DDR2: variants seen among roughly 807,000 people sequenced by gnomAD.
DDR2 encodes discoidin domain-containing receptor 2.
In DDR2, 27 loss-of-function variants were observed where a neutral mutation model predicts 94.9. That is an observed-to-expected ratio of 0.28 (90% CI 0.21 to 0.39). The LOEUF (loss-of-function observed/expected upper bound fraction) is 0.39. Among genes scored for constraint, DDR2 ranks in the 10% least tolerant of loss-of-function variants. DDR2 has a pLI of 1.00. For missense variants in DDR2, 783 were observed against 1,076.0 expected (o/e 0.73, Z 3.81); for synonymous variants, 382 against 377.2 (o/e 1.01, Z -0.15).
intron 2 of DDR2, among the ~76,000 whole-genome samples, chr1:162,710,388 C>T (rs962264742): frequency 2.6e-5 from 4 of 152,100 alleles, no homozygotes; most frequent in Admixed American, 6.5e-5. Flanking sequence ...TTGAGAATCA[C>T]GAGGTTGGGA....
At chr1:162,631,924 G>C (rs566810952), upstream of DDR2, 1 of 151,988 alleles carries the variant, frequency 6.6e-6, no homozygotes, top group African/African-American at 2.4e-5. Context: ...TTTCTTGGTG[G>C]GGGGAGCCGT....
intron 3 of DDR2, among the ~76,000 whole-genome samples, chr1:162,745,247 A>G (rs1571278358): frequency 6.6e-6 from 1 of 152,236 alleles, no homozygotes; most frequent in South Asian, 2.1e-4. Context: ...CTTCAAATAT[A>G]TAATTTGCAA....
chr1:162,638,014 T>G (rs907861624), intron 1 of DDR2, among the ~76,000 whole-genome samples: 2 of 152,096 alleles, frequency 1.3e-5, no homozygotes, highest in Non-Finnish European at 2.9e-5. Context: ...GGACTGTACT[T>G]TTTTTTAATT....
Position 162,780,226 on chromosome 1 carries a change from C to T in DDR2, c.2548C>T (p.Leu850Phe), listed in dbSNP as rs1357761882. ...ATTCCAAGAAATCCACCTTCTGCTC[C>T]TTCAACAAGGCGACGAGTGATGCTG... ...PSFQEIHLLL[L>F]QQGDE The change falls in exon 18 of 18, where the codon CTT becomes TTT. Residue 850 changes from leucine (L) to phenylalanine (F), a missense_variant. Leu to Phe is a conservative substitution (Grantham distance 22, BLOSUM62 0). Coordinates refer to ENST00000367921, the MANE Select transcript of DDR2 (RefSeq NM_006182.4). The T allele has an allele frequency of 6.2e-7, 1 of 1,613,912 alleles. No homozygotes were observed. Among genetic ancestry groups the T allele is most frequent in the Admixed American group, 1.7e-5 (1 of 59,972 alleles).
intron 3 of DDR2, among the ~76,000 whole-genome samples, chr1:162,721,692 G>A (rs1661430216): frequency 6.6e-6 from 1 of 152,184 alleles, no homozygotes; most frequent in African/African-American, 2.4e-5. Flanking sequence ...GGTAACTGAA[G>A]GCACTGAAAG....
rs935336103 is a variant in DDR2 at position 162,717,227 on chromosome 1, G to A, written c.-27-1810G>A. Among the ~76,000 whole-genome samples the A allele has an allele frequency of 4.6e-5, 7 of 152,098 alleles. No individual in the cohort carries two copies. In the South Asian group the frequency reaches 1.2e-3, roughly 27 times the overall value. ...ATTTTTGTATTTCTAACAGAGACGG[G>A]GTTTCACCATGATGGCCAGGCTGGT... On this transcript the variant is annotated intron_variant, in intron 2 of 17. Transcript: ENST00000367921.
At chr1:162,678,754 A>C (rs1659254881) in intron 2 of DDR2, among the ~76,000 whole-genome samples, 2 of 152,186 alleles carry the variant, frequency 1.3e-5, no homozygotes, top group Non-Finnish European at 2.9e-5. Flanking sequence ...TCCCTCGGGC[A>C]ACAAAGTAGG....
chr1:162,746,307 C>T (rs1227226814), intron 3 of DDR2, among the ~76,000 whole-genome samples: 1 of 152,222 alleles, frequency 6.6e-6, no homozygotes, highest in Non-Finnish European at 1.5e-5. Context: ...GCAAACGGCA[C>T]ACCAGGAGAT....
intron 2 of DDR2, among the ~76,000 whole-genome samples, chr1:162,716,142 T>C (rs1355751240): frequency 2.0e-5 from 3 of 152,214 alleles, no homozygotes; most frequent in African/African-American, 7.2e-5. Flanking sequence ...GCATGTGTTT[T>C]GGTGAAGGAA....
At chr1:162,652,157 T>G (rs1268688388) in intron 1 of DDR2, among the ~76,000 whole-genome samples, 3 of 152,250 alleles carry the variant, frequency 2.0e-5, no homozygotes, top group Admixed American at 2.0e-4. Context: ...TTTGCTCATT[T>G]GTAAATGGAG....
chr1:162,773,197 T>C (rs1366930588), intron 13 of DDR2, among the ~76,000 whole-genome samples: 1 of 152,254 alleles, frequency 6.6e-6, no homozygotes, highest in African/African-American at 2.4e-5. Flanking sequence ...TGCTGTAATA[T>C]AATATTGTTA....
At chr1:162,679,797 G>A (rs1177895903) in intron 2 of DDR2, among the ~76,000 whole-genome samples, 5 of 151,818 alleles carry the variant, frequency 3.3e-5, no homozygotes, top group Non-Finnish European at 7.4e-5. Flanking sequence ...GCCAACATCT[G>A]TTTTGTTTTG....
At chr1:162,671,915 T>C (rs1038991495) in intron 2 of DDR2, among the ~76,000 whole-genome samples, 4 of 152,220 alleles carry the variant, frequency 2.6e-5, no homozygotes, top group African/African-American at 9.6e-5. Context: ...ACCCTGTCTA[T>C]TCCCATGATG....
chr1:162,769,164 A>T (rs572564839), intron 11 of DDR2, among the ~76,000 whole-genome samples: 1 of 152,266 alleles, frequency 6.6e-6, no homozygotes, highest in South Asian at 2.1e-4. Flanking sequence ...GCTAAGAGAG[A>T]AATGTTGGAA....
At chr1:162,679,770 G>GT (rs57572255) in intron 2 of DDR2, among the ~76,000 whole-genome samples, 1 of 151,284 alleles carries the variant, frequency 6.6e-6, no homozygotes, top group Admixed American at 6.6e-5. Context: ...CAGATTATGT[G>GT]TTTTTTTTTC....
intron 2 of DDR2, among the ~76,000 whole-genome samples, chr1:162,675,417 G>A (rs1659080414): frequency 6.6e-6 from 1 of 152,150 alleles, no homozygotes; most frequent in Non-Finnish European, 1.5e-5. Flanking sequence ...GACATGGAAG[G>A]GTCCTGATCA....
chr1:162,690,850 G>A (rs1365962013), intron 2 of DDR2, among the ~76,000 whole-genome samples: 1 of 152,166 alleles, frequency 6.6e-6, no homozygotes, highest in Non-Finnish European at 1.5e-5. Flanking sequence ...AAGAATCATG[G>A]GAATAGTATT....
At chr1:162,636,479 T>A (rs576700522) in intron 1 of DDR2, among the ~76,000 whole-genome samples, 2 of 152,316 alleles carry the variant, frequency 1.3e-5, no homozygotes, top group African/African-American at 4.8e-5. Context: ...TGAGGGGCCC[T>A]TTGGATCTAT....
intron 9 of DDR2, among the ~76,000 whole-genome samples, chr1:162,763,336 C>CTTTTTTT (rs56323242): frequency 7.1e-5 from 4 of 56,542 alleles, no homozygotes; most frequent in African/African-American, 3.0e-4. Context: ...CCACGCCCGG[C>CTTTTTTT]TTTTTTTTTT....
Sources: allele counts gnomAD v4.1 joint callset (sites outside exome capture counted in the v4.1 genomes callset), GRCh38; gene constraint gnomAD v4.1.1; transcripts MANE v1.5; gene names NCBI Gene and HGNC (gene_info 2026-07-23, HGNC 2026-07-21).